PPP2R1A: variants seen among roughly 807,000 people sequenced by gnomAD.
The protein encoded by PPP2R1A is protein phosphatase 2 scaffold subunit Aalpha, also known as serine/threonine-protein phosphatase 2A 65 kDa regulatory subunit A alpha isoform.
PPP2R1A carries 15 observed loss-of-function variants against 67.1 expected under a neutral mutation model. The ratio of observed to expected loss-of-function variants is 0.22; its 90% CI spans 0.15 to 0.34. The LOEUF (loss-of-function observed/expected upper bound fraction) is 0.34. Among genes scored for constraint, PPP2R1A ranks in the 10% least tolerant of loss-of-function variants. The pLI, the probability that PPP2R1A is intolerant of heterozygous loss-of-function variation, is 1.00. For synonymous variants in PPP2R1A, 337 were observed against 325.0 expected (o/e 1.04, Z -0.40); for missense variants, 369 against 775.0 (o/e 0.48, Z 6.22).
chr19:52,202,678 C>T (rs550006177), intron 2 of PPP2R1A, among the ~76,000 whole-genome samples: 28 of 152,346 alleles, frequency 1.8e-4, no homozygotes, highest in African/African-American at 6.5e-4. Context: ...TTTATCTAGT[C>T]ATTCTGGCCT....
rs1327224561 is a variant in PPP2R1A, at chr19:52,226,823, G to A, written c.*842G>A. On this transcript the variant is annotated 3_prime_UTR_variant, in exon 15 of 15. Transcript: ENST00000322088. ...TAATACCTAGATTGCAGGGTGGGTG[G>A]CGAGGACCAAGTGAATTAGTACCTG... The A allele has an allele frequency of 6.6e-6, 1 of 152,408 alleles. No individual in the cohort carries two copies. Among genetic ancestry groups the A allele is most frequent in the Non-Finnish European group, 1.5e-5 (1 of 68,172 alleles). 9.4% of individuals were successfully genotyped at this position (152,408 alleles called of 1,614,324 possible).
rs1324067423 is a variant in PPP2R1A, at chr19:52,195,039, A to T, written c.78+4865A>T. Among the ~76,000 whole-genome samples, 4 of 152,324 alleles carry T rather than the reference A, an allele frequency of 2.6e-5. No homozygotes were observed. In the East Asian group the frequency reaches 7.7e-4, roughly 29 times the overall value. On this transcript the variant is annotated intron_variant, in intron 1 of 14. Coordinates refer to ENST00000322088, the MANE Select transcript of PPP2R1A (RefSeq NM_014225.6). ...AGGGTCAGATTGTGTTGGGCCTTGTAGGCCAGAGTAAGGCCTTAGCTTTTA... is the reference window on the plus strand; with the variant it reads ...AGGGTCAGATTGTGTTGGGCCTTGTTGGCCAGAGTAAGGCCTTAGCTTTTA...
chr19:52,225,804 G>A lies in PPP2R1A; in HGVS notation c.1749G>A (p.Leu583=). Residue 583 remains leucine, a synonymous_variant, in exon 14 of 15, where the codon CTG becomes CTA. Transcript: ENST00000322088. ...VDVKYFAQEA[L]TVLSLA is the part of the protein sequence containing the mutation. ...TCAAATACTTTGCCCAGGAGGCTCT[G>A]ACTGGTAAGACCTAGAAAGCACGGA... 1 of 1,614,022 alleles carries A rather than the reference G, an allele frequency of 6.2e-7. No homozygotes were observed. Among genetic ancestry groups the A allele is most frequent in the Non-Finnish European group, 8.5e-7 (1 of 1,179,858 alleles).
chr19:52,207,170 A>G (rs1324141991), intron 3 of PPP2R1A, among the ~76,000 whole-genome samples: 2 of 152,180 alleles, frequency 1.3e-5, no homozygotes, highest in Non-Finnish European at 2.9e-5. Context: ...AGATCGTTTC[A>G]TACATTTTAC....
At chr19:52,198,027 G>A (rs1169384399) in intron 1 of PPP2R1A, among the ~76,000 whole-genome samples, 2 of 152,258 alleles carry the variant, frequency 1.3e-5, no homozygotes, top group African/African-American at 2.4e-5. Context: ...GATGCTGTCA[G>A]TGAGGCGTGG....
At chr19:52,215,376 A>G (rs1165425286) in intron 6 of PPP2R1A, among the ~76,000 whole-genome samples, 1 of 152,176 alleles carries the variant, frequency 6.6e-6, no homozygotes, top group Admixed American at 6.5e-5. Flanking sequence ...TATTTTCATT[A>G]CAAAAGTAAT....
At chr19:52,214,631 C>T (rs1375653047) in intron 6 of PPP2R1A, among the ~76,000 whole-genome samples, 1 of 152,138 alleles carries the variant, frequency 6.6e-6, no homozygotes, top group East Asian at 1.9e-4. Context: ...ATGAACTGTC[C>T]TGCTTCCTAC....
chr19:52,190,304 T>G, intron 1 of PPP2R1A, 130 bp downstream of exon 1: 1 of 1,103,276 alleles, frequency 9.1e-7, no homozygotes, highest in Non-Finnish European at 1.3e-6. Flanking sequence ...CGTGCGTCTC[T>G]TATCTCCCCG....
chr19:52,224,996 C>G (rs960767100), intron 13 of PPP2R1A, among the ~76,000 whole-genome samples: 1 of 146,780 alleles, frequency 6.8e-6, no homozygotes, highest in East Asian at 2.0e-4. Context: ...CCCCCGTGCT[C>G]GGCCTTGAGT....
Position 52,219,982 on chromosome 19 carries a change from G to A in PPP2R1A, c.1302+118G>A. The A allele has an allele frequency of 7.4e-7, 1 of 1,343,122 alleles. No homozygotes were observed. The highest frequency in any genetic ancestry group is 1.0e-6 in the Non-Finnish European group (1 of 993,076). The allele number at this position is 1,343,122 out of a possible 1,614,324, so 83.2% of individuals were successfully genotyped here. A position where few individuals can be genotyped will look rare whatever the true frequency, so the allele number is the denominator to read the frequency against. ...TAGTGGAGGCTGTGACAACTGCCTG[G>A]GGAGTCGAAGGAAGGGACCCAGGAA... On this transcript the variant is annotated intron_variant, in intron 10 of 14. Transcript: ENST00000322088. The surrounding 1 kb of genome is among the most constrained non-coding windows in gnomAD (Gnocchi z 4.0).
chr19:52,192,137 C>T (rs1034779338), intron 1 of PPP2R1A, among the ~76,000 whole-genome samples: 1 of 151,884 alleles, frequency 6.6e-6, no homozygotes, highest in Non-Finnish European at 1.5e-5. Context: ...TTTGAGAACA[C>T]GCCTGAAAGC....
chr19:52,199,639 G>T (rs1367163955), intron 1 of PPP2R1A, among the ~76,000 whole-genome samples: 1 of 152,186 alleles, frequency 6.6e-6, no homozygotes, highest in Non-Finnish European at 1.5e-5. Context: ...CTGGTTCTAT[G>T]GTTGTTTTCA....
rs1413545943 is a variant in PPP2R1A at position 52,216,103 on chromosome 19, A to G, written c.993+29A>G. The G allele has an allele frequency of 6.3e-7, 1 of 1,593,694 alleles. No homozygotes were observed. The highest frequency in any genetic ancestry group is 1.1e-5 in the South Asian group (1 of 90,620). Reference sequence around the variant, plus strand: ...ACAGAGAGTTTGATGGGAGGAACCAAGTGGATCCGAGCCTGCCAAAAAGAG... The same window carrying G: ...ACAGAGAGTTTGATGGGAGGAACCAGGTGGATCCGAGCCTGCCAAAAAGAG... On this transcript the variant is annotated intron_variant, in intron 8 of 14. Coordinates refer to ENST00000322088, the MANE Select transcript of PPP2R1A (RefSeq NM_014225.6). This position sits in a 1 kb window ranked among gnomAD's most constrained non-coding sequence, Gnocchi z 4.3.
intron 1 of PPP2R1A, among the ~76,000 whole-genome samples, chr19:52,197,227 GACTT>G (rs1385406349): frequency 6.6e-6 from 1 of 152,154 alleles, no homozygotes; most frequent in Non-Finnish European, 1.5e-5. Flanking sequence ...CAAAACCTGT[GACTT>G]ACCAGTGGAA....
In PPP2R1A at chr19:52,211,015, C is replaced by A. The variant is rs747542842; in HGVS notation, c.271-245C>A. ...GACCCCAGTGAAACTCCTTCAAGGACCCCTAAATAAGAACCTTTGTGGAAG... is the reference window on the plus strand; with the variant it reads ...GACCCCAGTGAAACTCCTTCAAGGAACCCTAAATAAGAACCTTTGTGGAAG... On this transcript the variant is annotated intron_variant, in intron 3 of 14. Coordinates refer to ENST00000322088, the MANE Select transcript of PPP2R1A (RefSeq NM_014225.6). The surrounding 1 kb of genome is among the most constrained non-coding windows in gnomAD (Gnocchi z 5.3). Among the ~76,000 whole-genome samples, 4 of 152,216 alleles carry A rather than the reference C, an allele frequency of 2.6e-5. No homozygotes were observed. Among genetic ancestry groups the A allele is most frequent in the South Asian group, 2.1e-4 (1 of 4,836 alleles).
intron 3 of PPP2R1A, among the ~76,000 whole-genome samples, chr19:52,207,790 T>A (rs1178385626): frequency 6.6e-6 from 1 of 152,164 alleles, no homozygotes; most frequent in Non-Finnish European, 1.5e-5. Context: ...AGAGTCCAGA[T>A]TCGATCCCAG....
chr19:52,219,609 T>G lies in PPP2R1A; in HGVS notation c.1129-82T>G. ...TCCCTCGGGAGATGTCCATAAAAGTTGATGCAGCTGAGCTCTTTCCATCCT... is the reference window on the plus strand; with the variant it reads ...TCCCTCGGGAGATGTCCATAAAAGTGGATGCAGCTGAGCTCTTTCCATCCT... On this transcript the variant is annotated intron_variant, in intron 9 of 14. Coordinates refer to ENST00000322088, the MANE Select transcript of PPP2R1A (RefSeq NM_014225.6). This position sits in a 1 kb window ranked among gnomAD's most constrained non-coding sequence, Gnocchi z 4.0. 7.1e-7 allele frequency: 1 copy of G among 1,410,338 alleles called. No individual in the cohort carries two copies. Among genetic ancestry groups the G allele is most frequent in the Non-Finnish European group, 9.7e-7 (1 of 1,035,140 alleles). The allele number at this position is 1,410,338 out of a possible 1,614,324, so 87.4% of individuals were successfully genotyped here.
rs921649619 is a variant in PPP2R1A, at chr19:52,212,367, G to A, written c.504-319G>A. Reference sequence around the variant, plus strand: ...TCCAAAGTGTTCAGATTACAGGTATGAGCCACTGTGCCTGGCTCGTTGGTT... The same window carrying A: ...TCCAAAGTGTTCAGATTACAGGTATAAGCCACTGTGCCTGGCTCGTTGGTT... On this transcript the variant is annotated intron_variant, in intron 4 of 14. Transcript: ENST00000322088. The surrounding 1 kb of genome is among the most constrained non-coding windows in gnomAD (Gnocchi z 4.1). The A allele has an allele frequency of 2.9e-5, 10 of 346,572 alleles. No homozygotes were observed. The highest frequency in any genetic ancestry group is 5.4e-5 in the Non-Finnish European group (10 of 186,032). The allele number at this position is 346,572 out of a possible 1,614,324, so 21.5% of individuals were successfully genotyped here. A position where few individuals can be genotyped will look rare whatever the true frequency, so the allele number is the denominator to read the frequency against.
intron 3 of PPP2R1A, among the ~76,000 whole-genome samples, chr19:52,208,424 C>T (rs374946364): frequency 6.6e-6 from 1 of 152,200 alleles, no homozygotes; most frequent in Non-Finnish European, 1.5e-5. Context: ...CCACCCCGGC[C>T]TCCCAAAGTG....
Sources: allele counts gnomAD v4.1 joint callset (sites outside exome capture counted in the v4.1 genomes callset), GRCh38; gene constraint gnomAD v4.1.1; non-coding constraint Gnocchi (gnomAD v3.1); transcripts MANE v1.5; gene names NCBI Gene and HGNC (gene_info 2026-07-23, HGNC 2026-07-21).